CDK14: variants seen among roughly 807,000 people sequenced by gnomAD.
The protein encoded by CDK14 is cyclin dependent kinase 14, also known as cyclin-dependent kinase 14.
Under a neutral mutation model 60.7 loss-of-function variants are expected in CDK14, and 34 were observed. The ratio of observed to expected loss-of-function variants is 0.56; its 90% confidence interval spans 0.43 to 0.75. The LOEUF is 0.75. CDK14 is among the 30% of genes least tolerant of loss of function. The pLI, the probability that CDK14 is intolerant of heterozygous loss-of-function variation, is 0.00. For synonymous variants in CDK14, 197 were observed against 203.7 expected (o/e 0.97, Z 0.28); for missense variants, 482 against 564.1 (o/e 0.85, Z 1.47).
intron 8 of CDK14, 91 bp from the exon 9 acceptor site, chr7:90,955,606 G>A (rs1794386722): frequency 7.0e-7 from 1 of 1,436,454 alleles, no homozygotes; most frequent in African/African-American, 1.4e-5. Flanking sequence ...AAAAGGTCGG[G>A]TTTGACCTTT....
intron 13 of CDK14, among the ~76,000 whole-genome samples, chr7:91,114,829 G>A (rs1292851994): frequency 1.3e-5 from 2 of 152,090 alleles, no homozygotes; most frequent in East Asian, 1.9e-4. Context: ...TTAGAACAAC[G>A]TGGCTGTACT....
chr7:90,793,493 T>G (rs1805915693), intron 5 of CDK14, among the ~76,000 whole-genome samples: 1 of 152,144 alleles, frequency 6.6e-6, no homozygotes, highest in Non-Finnish European at 1.5e-5. Context: ...AAGAGTAGAT[T>G]GAGGAGAAGT....
chr7:90,596,548 C>A lies in CDK14; in HGVS notation c.-80C>A. On this transcript the variant is annotated 5_prime_UTR_variant, in exon 1 of 15. Transcript: ENST00000380050. Reference sequence around the variant, plus strand: ...TGGTGGAGGAGGAGGCGCCGCTTTCCCCGCGGCGCGCGCCCTCGCCGTTGT... The same window carrying A: ...TGGTGGAGGAGGAGGCGCCGCTTTCACCGCGGCGCGCGCCCTCGCCGTTGT... 1 of 1,260,200 alleles carries A rather than the reference C, an allele frequency of 7.9e-7. No homozygotes were observed. 78.1% of individuals were successfully genotyped at this position (1,260,200 alleles called of 1,614,324 possible).
intron 2 of CDK14, among the ~76,000 whole-genome samples, chr7:90,653,348 T>A (rs1376384264): frequency 6.6e-6 from 1 of 152,150 alleles, no homozygotes; most frequent in Non-Finnish European, 1.5e-5. Context: ...CGTTTTAATT[T>A]TTTTCAGTCT....
intron 7 of CDK14, among the ~76,000 whole-genome samples, chr7:90,911,247 A>C (rs1384326780): frequency 6.6e-6 from 1 of 152,158 alleles, no homozygotes; most frequent in Non-Finnish European, 1.5e-5. Flanking sequence ...AATTTATAAA[A>C]TCTCTTCCAT....
intron 2 of CDK14, among the ~76,000 whole-genome samples, chr7:90,635,358 C>A (rs1327531638): frequency 2.0e-5 from 3 of 152,332 alleles, no homozygotes; most frequent in Admixed American, 1.3e-4. Context: ...AGATGGCTAG[C>A]CAGTTTTCCC....
chr7:90,912,592 G>T (rs1209877503), intron 7 of CDK14, among the ~76,000 whole-genome samples: 3 of 151,982 alleles, frequency 2.0e-5, no homozygotes, highest in Non-Finnish European at 2.9e-5. Flanking sequence ...TTTGTTGGGG[G>T]TTTTTTGTTT....
chr7:90,968,540 A>T (rs993514434), intron 9 of CDK14, among the ~76,000 whole-genome samples: 4 of 151,972 alleles, frequency 2.6e-5, no homozygotes, highest in African/African-American at 9.7e-5. Flanking sequence ...CAAGAGTGGG[A>T]TGTTTATATA....
At chr7:90,997,946 A>G (rs1795732441) in intron 10 of CDK14, among the ~76,000 whole-genome samples, 1 of 152,188 alleles carries the variant, frequency 6.6e-6, no homozygotes, top group South Asian at 2.1e-4. Context: ...AGTACTGGGA[A>G]TGCCACTCTG....
chr7:90,699,315 C>G (rs896971687), intron 2 of CDK14, among the ~76,000 whole-genome samples: 1 of 152,208 alleles, frequency 6.6e-6, no homozygotes, highest in Non-Finnish European at 1.5e-5. Flanking sequence ...TTCCTAACAG[C>G]TTAGTGCCTG....
At chr7:90,992,459 C>T (rs925203973) in intron 10 of CDK14, among the ~76,000 whole-genome samples, 6 of 152,044 alleles carry the variant, frequency 3.9e-5, no homozygotes, top group African/African-American at 1.2e-4. Flanking sequence ...TTGAGGAGAC[C>T]GCAGTACACA....
intron 3 of CDK14, among the ~76,000 whole-genome samples, chr7:90,744,777 C>G (rs76884726): frequency 7.3e-6 from 1 of 137,732 alleles, no homozygotes; most frequent in Admixed American, 7.1e-5. Flanking sequence ...CTGACCCCCC[C>G]ACCTCCCTGC....
At chr7:90,745,525 C>T (rs1166558293) in intron 3 of CDK14, among the ~76,000 whole-genome samples, 1 of 152,178 alleles carries the variant, frequency 6.6e-6, no homozygotes, top group Non-Finnish European at 1.5e-5. Context: ...AAGCAGTTCT[C>T]CTGCCTTAGC....
intron 4 of CDK14, among the ~76,000 whole-genome samples, chr7:90,788,877 G>A (rs1366167393): frequency 3.3e-5 from 5 of 152,082 alleles, no homozygotes; most frequent in Non-Finnish European, 7.4e-5. Context: ...GACCATTTTT[G>A]ACCTATTAAA....
intron 10 of CDK14, among the ~76,000 whole-genome samples, chr7:91,008,861 A>ATAAT (rs759293741): frequency 6.6e-6 from 1 of 152,150 alleles, no homozygotes; most frequent in Non-Finnish European, 1.5e-5. Flanking sequence ...TTATCAGGGT[A>ATAAT]TAATTGACAT....
chr7:90,873,669 T>C (rs767373391), intron 6 of CDK14, among the ~76,000 whole-genome samples: 2 of 152,208 alleles, frequency 1.3e-5, no homozygotes, highest in Non-Finnish European at 2.9e-5. Flanking sequence ...AGGTTTCTTA[T>C]GAAAAAACAG....
chr7:91,145,916 TGC>T (rs879307252), intron 14 of CDK14, among the ~76,000 whole-genome samples: 2,919 of 108,994 alleles, frequency 0.027, 114 homozygotes, highest in Admixed American at 0.15. Flanking sequence ...TAACCTGGCT[TGC>T]TTTATTTATT....
intron 5 of CDK14, among the ~76,000 whole-genome samples, chr7:90,802,028 A>G (rs868464596): frequency 6.6e-6 from 1 of 152,218 alleles, no homozygotes; most frequent in African/African-American, 2.4e-5. Flanking sequence ...ACAGATGGGA[A>G]GAGGGGCTCC....
chr7:90,867,560 A>G (rs918232274), intron 6 of CDK14, among the ~76,000 whole-genome samples: 1 of 152,200 alleles, frequency 6.6e-6, no homozygotes, highest in Non-Finnish European at 1.5e-5. Context: ...TTTTCATTAC[A>G]TATTTAATAA....
Sources: gnomAD v4.1 joint callset for allele counts (sites outside exome capture counted in the v4.1 genomes callset) on GRCh38, gnomAD v4.1.1 for gene constraint, MANE v1.5 for transcripts, NCBI Gene and HGNC (gene_info 2026-07-23, HGNC 2026-07-21) for gene names.